The following SLCO3A1 variants were observed in gnomAD, a reference collection of about 807,000 sequenced individuals.
SLCO3A1 encodes PGE1 transporter.
SLCO3A1 carries 27 observed loss-of-function variants against 63.1 expected under a neutral mutation model. The ratio of observed to expected loss-of-function variants is 0.43; its 90% CI spans 0.32 to 0.59. The LOEUF (loss-of-function observed/expected upper bound fraction) is 0.59, where lower values mean the gene tolerates loss of function less well. Among genes scored for constraint, SLCO3A1 ranks in the 20% least tolerant of loss-of-function variants. The pLI is 0.09. For synonymous variants in SLCO3A1, 473 were observed against 409.9 expected (o/e 1.15, Z -1.86); for missense variants, 773 against 945.8 (o/e 0.82, Z 2.40).
intron 2 of SLCO3A1, among the ~76,000 whole-genome samples, chr15:92,091,180 G>C (rs1032216401): frequency 6.6e-6 from 1 of 152,198 alleles, no homozygotes; most frequent in Non-Finnish European, 1.5e-5. Context: ...TGGGGTCATT[G>C]AATGGCTTCC....
intron 2 of SLCO3A1, among the ~76,000 whole-genome samples, chr15:91,934,794 T>C (rs1899349763): frequency 6.6e-6 from 1 of 152,246 alleles, no homozygotes; most frequent in African/African-American, 2.4e-5. Context: ...TTGAACTTCT[T>C]TTCGATGTTA....
Position 91,854,961 on chromosome 15 carries a change from A to T in SLCO3A1, c.180+873A>T, listed in dbSNP as rs1896876960. Among the ~76,000 whole-genome samples, 1 of 152,146 alleles carries T rather than the reference A, an allele frequency of 6.6e-6. No individual in the cohort carries two copies. Among genetic ancestry groups the T allele is most frequent in the African/African-American group, 2.4e-5 (1 of 41,428 alleles). On this transcript the variant is annotated intron_variant, in intron 1 of 9. Coordinates refer to ENST00000318445, the MANE Select transcript of SLCO3A1 (RefSeq NM_013272.4). The surrounding 1 kb of genome is among the most constrained non-coding windows in gnomAD (Gnocchi z 6.4). The stretch of plus-strand genomic sequence containing the variant: ...TTTGTCGCTTTCGCCTCCTCTGCTC[A>T]GGTGGTCGCAACTTGAGTTCCAGAG...
At position 91,916,515 on chromosome 15, in the gene SLCO3A1, A is replaced by G. The variant is rs1898667015; in HGVS notation, c.646+57A>G. On this transcript the variant is annotated intron_variant, in intron 2 of 9. Transcript: ENST00000318445. This position sits in a 1 kb window ranked among gnomAD's most constrained non-coding sequence, Gnocchi z 6.2. ...ACCAGGGTGTGTTGACCATGGATAA[A>G]AGGTGGCCTGGTGGACTTTGATTTT... is the stretch of plus-strand genomic sequence containing the variant. 1.5e-6 allele frequency: 2 copies of G among 1,328,498 alleles called. No homozygotes were observed. Among genetic ancestry groups the G allele is most frequent in the African/African-American group, 1.5e-5 (1 of 66,852 alleles). The allele number at this position is 1,328,498 out of a possible 1,614,324, so 82.3% of individuals were successfully genotyped here.
At chr15:92,078,788 G>A (rs747067863) in intron 2 of SLCO3A1, among the ~76,000 whole-genome samples, 4 of 152,118 alleles carry the variant, frequency 2.6e-5, no homozygotes, top group Non-Finnish European at 5.9e-5. Flanking sequence ...TTGTGGCGAC[G>A]ATTAAATGAG....
intron 2 of SLCO3A1, among the ~76,000 whole-genome samples, chr15:91,924,227 G>A (rs901508404): frequency 3.3e-5 from 5 of 152,196 alleles, no homozygotes; most frequent in African/African-American, 1.2e-4. Context: ...AGCCTGGGGA[G>A]CTGGTCCTTG....
rs116228054 is a variant in SLCO3A1, at chr15:91,888,152, C to T, written c.181-27841C>T. 7.5e-3 allele frequency among the ~76,000 whole-genome samples: 1,138 copies of T among 152,296 alleles called. 15 individuals carry two copies. Among genetic ancestry groups the T allele is most frequent in the African/African-American group, 0.022 (911 of 41,556 alleles). On this transcript the variant is annotated intron_variant, in intron 1 of 9. Coordinates refer to ENST00000318445, the MANE Select transcript of SLCO3A1 (RefSeq NM_013272.4). ...AACCGATTTTGGAATACTCCCCGCC[C>T]TCTCACTGTTGCAAAGTGAAGGGCT...
chr15:92,091,136 T>A lies in SLCO3A1; in HGVS notation c.647-3745T>A, dbSNP rs532195206. On this transcript the variant is annotated intron_variant, in intron 2 of 9. Transcript: ENST00000318445. ...GCTGAACCACTCTAAGATTCTGTTT[T>A]TCCGCTGTGAAACAGGCCCAGTAAA... Among the ~76,000 whole-genome samples, 3 of 152,312 alleles carry A rather than the reference T, an allele frequency of 2.0e-5. No individual in the cohort carries two copies. The South Asian group carries it at 6.2e-4, about 32-fold the overall frequency.
intron 2 of SLCO3A1, among the ~76,000 whole-genome samples, chr15:92,052,073 C>T (rs1041765981): frequency 6.6e-6 from 1 of 152,138 alleles, no homozygotes. Flanking sequence ...AAAAGTGGTA[C>T]TCCACACTGC....
chr15:92,169,463 A>G (rs1237965909), downstream of SLCO3A1, among the ~76,000 whole-genome samples: 1 of 152,160 alleles, frequency 6.6e-6, no homozygotes, highest in African/African-American at 2.4e-5. Context: ...TGATGTAACA[A>G]CCAGGACACC....
At position 92,162,943 on chromosome 15, in the gene SLCO3A1, C is replaced by T. The variant is rs772535895; in HGVS notation, c.1941C>T (p.Cys647=). The T allele has an allele frequency of 2.5e-5, 41 of 1,614,130 alleles. No individual in the cohort carries two copies. In the East Asian group the frequency reaches 9.1e-4, roughly 36 times the overall value. The change falls in exon 10 of 10, where the codon TGC becomes TGT. Residue 647 remains cysteine, a synonymous_variant. Coordinates refer to ENST00000318445, the MANE Select transcript of SLCO3A1 (RefSeq NM_013272.4). ...AFILYTTTWQ[C]LRKNYKRYIK... is the part of the protein sequence containing the mutation. ...TCCTGTACACCACCACGTGGCAGTG[C>T]CTGAGGAAAAACTATAAACGCTACA...
chr15:91,955,200 G>C (rs1157521340), intron 2 of SLCO3A1, among the ~76,000 whole-genome samples: 1 of 152,152 alleles, frequency 6.6e-6, no homozygotes, highest in Non-Finnish European at 1.5e-5. Context: ...CTGAAGCCCA[G>C]AGAAGTTAAA....
At chr15:92,099,999 G>A (rs560886996) in intron 3 of SLCO3A1, among the ~76,000 whole-genome samples, 62 of 152,008 alleles carry the variant, frequency 4.1e-4, no homozygotes, top group African/African-American at 1.4e-3. Flanking sequence ...CCAGGAGGTG[G>A]AGGTTGCAGT....
chr15:92,159,659 T>G (rs1567154369), intron 9 of SLCO3A1, among the ~76,000 whole-genome samples: 2 of 150,014 alleles, frequency 1.3e-5, no homozygotes, highest in Non-Finnish European at 3.0e-5. Flanking sequence ...CTGGAACTCC[T>G]GGGGTCAAGT....
intron 1 of SLCO3A1, among the ~76,000 whole-genome samples, chr15:91,874,050 G>A (rs188465170): frequency 9.9e-5 from 15 of 152,112 alleles, no homozygotes; most frequent in Admixed American, 2.0e-4. Context: ...TGGATGCCTG[G>A]AACCTTGGAT....
At chr15:92,064,283 A>G (rs1442222557) in intron 2 of SLCO3A1, among the ~76,000 whole-genome samples, 1 of 152,048 alleles carries the variant, frequency 6.6e-6, no homozygotes, top group Non-Finnish European at 1.5e-5. Context: ...TTTAAATCCA[A>G]TTACTTAGTT....
rs550182748 is a variant in SLCO3A1, at chr15:91,975,767, C to T, written c.646+59309C>T. Among the ~76,000 whole-genome samples, 13 of 152,356 alleles carry T rather than the reference C, an allele frequency of 8.5e-5. No individual in the cohort carries two copies. The East Asian group carries it at 2.5e-3, about 29-fold the overall frequency. On this transcript the variant is annotated intron_variant, in intron 2 of 9. Coordinates refer to ENST00000318445, the MANE Select transcript of SLCO3A1 (RefSeq NM_013272.4). Reference sequence around the variant, plus strand: ...ACTATGAGATTGCCCCTTACAGCCACCCAGTGGTGGACGCTCCAAGGCAGG... The same window carrying T: ...ACTATGAGATTGCCCCTTACAGCCATCCAGTGGTGGACGCTCCAAGGCAGG...
At chr15:92,114,274 C>T (rs776275514) in intron 4 of SLCO3A1, among the ~76,000 whole-genome samples, 12 of 152,102 alleles carry the variant, frequency 7.9e-5, no homozygotes, top group East Asian at 5.8e-4. Flanking sequence ...GTGTTTCTTA[C>T]GAGGCTATAA....
rs1364763396 is a variant in SLCO3A1, at chr15:92,015,238, C to T, written c.647-79643C>T. ...CGTAGGTCCTGTTGGCGGGTGTATT[C>T]ATCCATTTTCATACTGCTGTGAAGA... On this transcript the variant is annotated intron_variant, in intron 2 of 9. Coordinates refer to ENST00000318445, the MANE Select transcript of SLCO3A1 (RefSeq NM_013272.4). Among the ~76,000 whole-genome samples, 3 of 152,068 alleles carry T rather than the reference C, an allele frequency of 2.0e-5. No individual in the cohort carries two copies. In the East Asian group the frequency reaches 5.8e-4, roughly 29 times the overall value.
chr15:92,108,253 G>A (rs1384366551), intron 4 of SLCO3A1, among the ~76,000 whole-genome samples: 2 of 152,232 alleles, frequency 1.3e-5, no homozygotes, highest in East Asian at 1.9e-4. Flanking sequence ...TCTCCCCGAT[G>A]TGGGGGCTGG....
Sources: allele counts gnomAD v4.1 joint callset (sites outside exome capture counted in the v4.1 genomes callset), GRCh38; gene constraint gnomAD v4.1.1; non-coding constraint Gnocchi (gnomAD v3.1); transcripts MANE v1.5; gene names NCBI Gene and HGNC (gene_info 2026-07-23, HGNC 2026-07-21).